The following SEMA3G variants were observed in gnomAD, a reference collection of about 807,000 sequenced individuals.
SEMA3G encodes the protein semaphorin 3G, also known as semaphorin-3G.
In SEMA3G, 70 loss-of-function variants were observed where a neutral mutation model predicts 86.2. The ratio of observed to expected loss-of-function variants is 0.81; its 90% confidence interval spans 0.67 to 0.99. The LOEUF (loss-of-function observed/expected upper bound fraction) is 0.99, where lower values mean the gene tolerates loss of function less well. SEMA3G is among the 50% of genes least tolerant of loss of function. The pLI, the probability that SEMA3G is intolerant of heterozygous loss-of-function variation, is 0.00. For synonymous variants in SEMA3G, 416 were observed against 441.4 expected, an observed-to-expected ratio of 0.94 and a Z score of 0.72; for missense variants, 1,002 against 1,072.4, an observed-to-expected ratio of 0.93 and a Z score of 0.92.
In SEMA3G at chr3:52,438,046, C is replaced by G. The variant is rs1400023833; in HGVS notation, c.1663G>C (p.Gly555Arg). The G allele has an allele frequency of 1.9e-6, 3 of 1,613,088 alleles. No homozygotes were observed. Among genetic ancestry groups the G allele is most frequent in the African/African-American group, 2.7e-5 (2 of 74,948 alleles). Residue 555 changes from glycine to arginine, a missense_variant, in exon 14 of 16, where the codon GGC becomes CGC. Transcript: ENST00000231721. ...ASCTHYRPSL[G>R]KRRFRRQDIR... is the part of the protein sequence containing the mutation. ...TCCTGCCGGCGGAACCGGCGCTTGC[C>G]AAGGCTGGGGCGGTAGTGGGTACAG...
Position 52,438,022 on chromosome 3 carries a change from C to G in SEMA3G, c.1687G>C (p.Asp563His), listed in dbSNP as rs1277398669. The stretch of plus-strand genomic sequence containing the variant: ...AGGGCAGGGTTGCCGTGCCGGATGT[C>G]CTGCCGGCGGAACCGGCGCTTGCCA... ...SLGKRRFRRQ[D>H]IRHGNPALQC... Residue 563 changes from aspartate (D) to histidine (H), a missense_variant, in exon 14 of 16, where the codon GAC becomes CAC. Transcript: ENST00000231721. 5 of 1,612,954 alleles carry G rather than the reference C, an allele frequency of 3.1e-6. No individual in the cohort carries two copies. Among genetic ancestry groups the G allele is most frequent in the East Asian group, 2.2e-5 (1 of 44,892 alleles).
chr3:52,442,423 C>T lies in SEMA3G; in HGVS notation c.340-119G>A. 3.3e-6 allele frequency: 4 copies of T among 1,230,392 alleles called. No homozygotes were observed. Among genetic ancestry groups the T allele is most frequent in the Non-Finnish European group, 2.4e-6 (2 of 846,760 alleles). 76.2% of individuals were successfully genotyped at this position (1,230,392 alleles called of 1,614,324 possible). A position where few individuals can be genotyped will look rare whatever the true frequency, so the allele number is the denominator to read the frequency against. On this transcript the variant is annotated intron_variant, in intron 3 of 15. Coordinates refer to ENST00000231721, the MANE Select transcript of SEMA3G (RefSeq NM_020163.3). This position sits in a 1 kb window ranked among gnomAD's most constrained non-coding sequence, Gnocchi z 6.1. ...TGGGGAGGGGGGTGGGTGTGACATT[C>T]CCAGCAGACCTTCAAAAGCCCTCAA...
rs773639439 is a variant in SEMA3G, at chr3:52,442,192, C to T, written c.452G>A (p.Arg151His). The T allele has an allele frequency of 1.9e-5, 31 of 1,613,094 alleles. No individual in the cohort carries two copies. Among genetic ancestry groups the T allele is most frequent in the Admixed American group, 1.8e-4 (11 of 59,940 alleles). ...PTCALITVGH[R>H]GEHVLHLEPG... ...GGCCTGGCCCAGGCTCACCTCCCCA[C>T]GGTGGCCAACTGTGATGAGGGCACA... is the stretch of plus-strand genomic sequence containing the variant. The change falls in exon 4 of 16, where the codon CGT becomes CAT. Residue 151 changes from arginine to histidine, a missense_variant. Coordinates refer to ENST00000231721, the MANE Select transcript of SEMA3G (RefSeq NM_020163.3). The surrounding 1 kb of genome is among the most constrained non-coding windows in gnomAD (Gnocchi z 6.1).
At position 52,441,274 on chromosome 3, in the gene SEMA3G, C is replaced by T. The variant is rs143728633; in HGVS notation, c.803G>A (p.Arg268His). The T allele has an allele frequency of 1.2e-5, 20 of 1,613,080 alleles. No individual in the cohort carries two copies. Among genetic ancestry groups the T allele is most frequent in the Middle Eastern group, 3.3e-4 (2 of 6,084 alleles). Residue 268 changes from arginine (R) to histidine (H), a missense_variant, in exon 7 of 16, where the codon CGC becomes CAC. Transcript: ENST00000231721. ...CTTCCCAGCTCTTACCACGCAGACG[C>T]GGCCCACGCGGCTGACAGTGACATG... ...SNHVTVSRVGRVCVNDAGGQR... is the reference protein window; with the variant it reads ...SNHVTVSRVGHVCVNDAGGQR...
intron 1 of SEMA3G, among the ~76,000 whole-genome samples, chr3:52,444,507 C>T (rs905216845): frequency 2.7e-5 from 4 of 150,650 alleles, no homozygotes; most frequent in Admixed American, 1.3e-4. Flanking sequence ...AAACATGGCA[C>T]ACGCACACAA....
At chr3:52,436,963 C>T (rs576916685) in intron 15 of SEMA3G, among the ~76,000 whole-genome samples, 1 of 152,304 alleles carries the variant, frequency 6.6e-6, no homozygotes, top group African/African-American at 2.4e-5. Context: ...AGGCCCCAGA[C>T]TTAAACCATC....
At position 52,441,347 on chromosome 3, in the gene SEMA3G, A is replaced by T; in HGVS notation, c.730T>A (p.Tyr244Asn). ...GGGACCGTCTCCGAGAAGAAGAAGT[A>T]CACCTTGTCATTGTCCTGGTCAGAG... ...ENSDQDNDKV[Y>N]FFFSETVPSP... is the part of the protein sequence containing the mutation. The change falls in exon 7 of 16, where the codon TAC becomes AAC. Residue 244 changes from tyrosine to asparagine, a missense_variant. By Grantham distance (143) the Tyr-to-Asn change is moderately radical. Transcript: ENST00000231721. 1 of 1,613,874 alleles carries T rather than the reference A, an allele frequency of 6.2e-7. No homozygotes were observed. Among genetic ancestry groups the T allele is most frequent in the Non-Finnish European group, 8.5e-7 (1 of 1,180,008 alleles).
At chr3:52,440,183 G>A (rs565806366) in intron 10 of SEMA3G, 85 bp from the exon 11 acceptor site, 2 of 1,281,834 alleles carry the variant, frequency 1.6e-6, no homozygotes, top group African/African-American at 1.5e-5. Flanking sequence ...CCCCAACCAG[G>A]GGGACCTCTC....
rs141433985 is a variant in SEMA3G at position 52,442,795 on chromosome 3, G to A, written c.228C>T (p.Asp76=). Residue 76 remains aspartate (D), a synonymous_variant, in exon 2 of 16, where the codon GAC becomes GAT. Coordinates refer to ENST00000231721, the MANE Select transcript of SEMA3G (RefSeq NM_020163.3). The surrounding 1 kb of genome is among the most constrained non-coding windows in gnomAD (Gnocchi z 6.1). ...YRDRLFLGGL[D]ALYSLRLDQA... ...GGTCCAGCCGCAGAGAGTAGAGGGC[G>A]TCCAGGCCACCCAGAAAGAGGCGGT... 1.1e-5 allele frequency: 18 copies of A among 1,613,884 alleles called. No homozygotes were observed. The highest frequency in any genetic ancestry group is 3.3e-5 in the South Asian group (3 of 91,070).
intron 12 of SEMA3G, among the ~76,000 whole-genome samples, chr3:52,439,256 G>A (rs1706101878): frequency 6.6e-6 from 1 of 152,116 alleles, no homozygotes; most frequent in African/African-American, 2.4e-5. Context: ...ACCCAGCTCA[G>A]GTCCAGGAGG....
At position 52,442,042 on chromosome 3, in the gene SEMA3G, C is replaced by G. The variant is rs1706169262; in HGVS notation, c.460-133G>C. On this transcript the variant is annotated intron_variant, in intron 4 of 15. Transcript: ENST00000231721. This position sits in a 1 kb window ranked among gnomAD's most constrained non-coding sequence, Gnocchi z 6.1. ...GAAGGCGTCCTCATCCAGGGCCCCT[C>G]TAATGGGGTCAGCTCCCCAACACAA... 3 of 1,357,130 alleles carry G rather than the reference C, an allele frequency of 2.2e-6. No individual in the cohort carries two copies. Among genetic ancestry groups the G allele is most frequent in the African/African-American group, 2.9e-5 (2 of 69,308 alleles). 84.1% of individuals were successfully genotyped at this position (1,357,130 alleles called of 1,614,324 possible). A position where few individuals can be genotyped will look rare whatever the true frequency, so the allele number is the denominator to read the frequency against.
At chr3:52,437,886 C>A in intron 14 of SEMA3G, 85 bp downstream of exon 14, 1 of 1,296,274 alleles carries the variant, frequency 7.7e-7, no homozygotes, top group Admixed American at 1.9e-5. Flanking sequence ...CAAGACCAAT[C>A]TGAGAATGCA....
chr3:52,444,412 A>G (rs1639310), intron 1 of SEMA3G, among the ~76,000 whole-genome samples: 152,051 of 152,074 alleles, frequency 1, 76,014 homozygotes, highest in Middle Eastern at 1. Flanking sequence ...CCTACAGCTG[A>G]CCAGGCACCC....
intron 13 of SEMA3G, 174 bp downstream of exon 13, chr3:52,438,746 C>T (rs749715685): frequency 1.1e-5 from 11 of 985,362 alleles, no homozygotes; most frequent in Non-Finnish European, 1.2e-5. Flanking sequence ...CCCACTTACT[C>T]GGTGCCTCCA....
intron 12 of SEMA3G, 97 bp downstream of exon 12, chr3:52,439,583 G>C (rs1479335593): frequency 1.0e-6 from 1 of 969,692 alleles, no homozygotes; most frequent in Non-Finnish European, 1.6e-6. Context: ...AGTAAAGACA[G>C]GCTGGCTCCC....
At chr3:52,444,617 G>T (rs971896013) in intron 1 of SEMA3G, among the ~76,000 whole-genome samples, 36 of 149,990 alleles carry the variant, frequency 2.4e-4, no homozygotes, top group African/African-American at 8.9e-4. Context: ...ACACAAACAC[G>T]GCACATGCAC....
chr3:52,437,799 C>T (rs1318685987), intron 14 of SEMA3G, 133 bp from the exon 15 acceptor site: 10 of 1,189,456 alleles, frequency 8.4e-6, no homozygotes, highest in Admixed American at 2.2e-5. Flanking sequence ...CCAAGCCAGC[C>T]ACTGTGTCCA....
In SEMA3G at chr3:52,440,077, G is replaced by C. The variant is rs771275872; in HGVS notation, c.1165C>G (p.Gln389Glu). The change falls in exon 11 of 16, where the codon CAG (glutamine) becomes GAG (glutamate). Residue 389 changes from glutamine (Q) to glutamate (E), a missense_variant. By Grantham distance (29) the Gln-to-Glu change is conservative (BLOSUM62 2). Transcript: ENST00000231721. ...GTGCTGCCAAAAGGCCGTCCTGGCT[G>C]TGCGGTCATCTTGCTGGGGCACTGT... ...PGVCPSKMTA[Q>E]PGRPFGSTKD... The C allele has an allele frequency of 3.8e-6, 6 of 1,587,748 alleles. No homozygotes were observed. The highest frequency in any genetic ancestry group is 5.2e-6 in the Non-Finnish European group (6 of 1,162,584).
rs574949148 is a variant in SEMA3G at position 52,439,713 on chromosome 3, C to A, written c.1434G>T (p.Glu478Asp). ...CCTGGAGCTCCTCCAGAACCACTTC[C>A]TCAGGTTCAGCTGAGCCCCCTGCCT... ...ALQAGGSAEP[E>D]EVVLEELQVF... The change falls in exon 12 of 16, where the codon GAG (glutamate) becomes GAT (aspartate). Residue 478 changes from glutamate (E) to aspartate (D), a missense_variant. By Grantham distance (45) the Glu-to-Asp change is conservative (BLOSUM62 2). Coordinates refer to ENST00000231721, the MANE Select transcript of SEMA3G (RefSeq NM_020163.3). 40 of 1,613,954 alleles carry A rather than the reference C, an allele frequency of 2.5e-5. No homozygotes were observed. Among genetic ancestry groups the A allele is most frequent in the Admixed American group, 3.3e-5 (2 of 59,998 alleles).
Sources: gnomAD v4.1 joint callset for allele counts (sites outside exome capture counted in the v4.1 genomes callset) on GRCh38, gnomAD v4.1.1 for gene constraint, Gnocchi (gnomAD v3.1) non-coding constraint, MANE v1.5 for transcripts, NCBI Gene and HGNC (gene_info 2026-07-23, HGNC 2026-07-21) for gene names.